The following RTN3 variants were observed in gnomAD, a reference collection of about 807,000 sequenced individuals.
RTN3 encodes the protein reticulon-3.
A neutral mutation model predicts 77.8 loss-of-function variants in RTN3; 49 were observed. The ratio of observed to expected loss-of-function variants is 0.63; its 90% CI spans 0.50 to 0.80. The LOEUF is 0.80. Among genes scored for constraint, RTN3 ranks in the 30% least tolerant of loss-of-function variants. The pLI, the probability that RTN3 is intolerant of heterozygous loss-of-function variation, is 0.00. For missense variants in RTN3, 1,236 were observed against 1,211.9 expected (o/e 1.02, Z -0.29); for synonymous variants, 464 against 446.9 (o/e 1.04, Z -0.48).
At chr11:63,753,553 G>A in intron 6 of RTN3, 109 bp from the exon 7 acceptor site, 3 of 947,924 alleles carry the variant, frequency 3.2e-6, no homozygotes, top group Non-Finnish European at 4.9e-6. Context: ...TTTGAGGAAT[G>A]CCTGTGTTTT....
rs117829021 is a variant in RTN3, at chr11:63,754,968, T to A, written c.2995-1144T>A. 1.3e-3 allele frequency among the ~76,000 whole-genome samples: 194 copies of A among 146,294 alleles called. 3 individuals are homozygous for A. In the East Asian group the frequency reaches 0.035, roughly 27 times the overall value. ...AATGCTTAGATGAATAAAAGCCGGG[T>A]GTCTAAAAGGAAACTTTAAACTCTA... is the stretch of plus-strand genomic sequence containing the variant. On this transcript the variant is annotated intron_variant, in intron 7 of 8. Coordinates refer to ENST00000377819, the MANE Select transcript of RTN3 (RefSeq NM_001265589.2).
chr11:63,684,129 GTTTTTTTTTTTTTTT>G (rs61663789), intron 1 of RTN3, among the ~76,000 whole-genome samples: 2 of 85,262 alleles, frequency 2.3e-5, no homozygotes, highest in Non-Finnish European at 4.1e-5. Context: ...TTTTCTTTTG[GTTTTTTTTTTTTTTT>G]TTTTTTTTTT....
At chr11:63,733,743 G>T (rs574628943) in intron 3 of RTN3, among the ~76,000 whole-genome samples, 1 of 151,056 alleles carries the variant, frequency 6.6e-6, no homozygotes, top group African/African-American at 2.4e-5. Context: ...TTAGCTGGGC[G>T]TGGTGGCGGT....
intron 3 of RTN3, among the ~76,000 whole-genome samples, chr11:63,732,384 G>A (rs930542969): frequency 3.3e-5 from 5 of 151,522 alleles, no homozygotes; most frequent in African/African-American, 9.7e-5. Context: ...CATGTTGCTC[G>A]GGCTGGTCTC....
At chr11:63,757,510 G>T (rs1199381245) in intron 8 of RTN3, among the ~76,000 whole-genome samples, 1 of 151,610 alleles carries the variant, frequency 6.6e-6, no homozygotes, top group African/African-American at 2.4e-5. Context: ...ACAGGCATGT[G>T]CCATGCCCTG....
chr11:63,684,498 G>C (rs1941261773), intron 1 of RTN3, among the ~76,000 whole-genome samples: 4 of 151,746 alleles, frequency 2.6e-5, no homozygotes, highest in Admixed American at 2.6e-4. Context: ...TTGCCATGTT[G>C]GCCAGGCTGG....
intron 3 of RTN3, among the ~76,000 whole-genome samples, chr11:63,744,427 A>G (rs1486232418): frequency 2.0e-5 from 3 of 152,152 alleles, no homozygotes; most frequent in African/African-American, 7.2e-5. Flanking sequence ...CCTAGAAGGT[A>G]TACTACTACA....
At chr11:63,746,477 C>T (rs1240503719) in intron 3 of RTN3, among the ~76,000 whole-genome samples, 2 of 152,096 alleles carry the variant, frequency 1.3e-5, no homozygotes, top group Non-Finnish European at 2.9e-5. Flanking sequence ...TTTTACGTAA[C>T]CAACGAAAGT....
At chr11:63,703,788 T>C (rs1167713557) in intron 1 of RTN3, among the ~76,000 whole-genome samples, 1 of 151,938 alleles carries the variant, frequency 6.6e-6, no homozygotes, top group Non-Finnish European at 1.5e-5. Context: ...GTGATCCGCC[T>C]GCCTCAGCCT....
chr11:63,714,999 G>T (rs191129709), intron 2 of RTN3, among the ~76,000 whole-genome samples: 50 of 152,326 alleles, frequency 3.3e-4, no homozygotes, highest in East Asian at 1.7e-3. Context: ...AAACTGACCA[G>T]TTTGTGTCCT....
At chr11:63,748,995 A>T (rs2013958947) in intron 3 of RTN3, among the ~76,000 whole-genome samples, 1 of 152,062 alleles carries the variant, frequency 6.6e-6, no homozygotes, top group African/African-American at 2.4e-5. Flanking sequence ...AGAGTACTGC[A>T]GCTTGGCCAG....
intron 1 of RTN3, among the ~76,000 whole-genome samples, chr11:63,703,177 G>A (rs907885153): frequency 2.0e-5 from 3 of 152,164 alleles, no homozygotes; most frequent in Middle Eastern, 3.4e-3. Context: ...TAGCATTTAC[G>A]TTGTATTAGG....
chr11:63,698,326 A>G (rs762640695), intron 1 of RTN3, among the ~76,000 whole-genome samples: 1 of 151,916 alleles, frequency 6.6e-6, no homozygotes, highest in African/African-American at 2.4e-5. Context: ...GGATTTCACC[A>G]TGTTGCCCAG....
chr11:63,728,548 C>T (rs901014950), intron 3 of RTN3, among the ~76,000 whole-genome samples: 4 of 152,028 alleles, frequency 2.6e-5, no homozygotes, highest in Non-Finnish European at 4.4e-5. Context: ...TACAGTGTAT[C>T]GTAGTCAAGT....
intron 1 of RTN3, among the ~76,000 whole-genome samples, chr11:63,689,000 G>C (rs959317506): frequency 6.6e-6 from 1 of 152,062 alleles, no homozygotes. Flanking sequence ...AATTACAAAG[G>C]CTTCATTAAG....
At chr11:63,688,185 G>A (rs1941468840) in intron 1 of RTN3, among the ~76,000 whole-genome samples, 1 of 151,376 alleles carries the variant, frequency 6.6e-6, no homozygotes, top group Non-Finnish European at 1.5e-5. Context: ...TGCTGACTTG[G>A]ATTGTTTTTA....
At chr11:63,701,819 C>T (rs1462132393) in intron 1 of RTN3, among the ~76,000 whole-genome samples, 1 of 152,066 alleles carries the variant, frequency 6.6e-6, no homozygotes, top group Non-Finnish European at 1.5e-5. Flanking sequence ...GTGGTGCACA[C>T]CTGTAGTCAG....
In RTN3 at chr11:63,720,083, T is replaced by G; in HGVS notation, c.1581T>G (p.Ile527Met). 1.2e-6 allele frequency: 2 copies of G among 1,613,838 alleles called. No homozygotes were observed. Among genetic ancestry groups the G allele is most frequent in the Non-Finnish European group, 1.7e-6 (2 of 1,179,960 alleles). Residue 527 changes from isoleucine to methionine, a missense_variant, in exon 3 of 9, where the codon ATT (isoleucine) becomes ATG (methionine). Physicochemically the swap from Ile to Met is conservative, Grantham distance 10 (BLOSUM62 1). This residue lies in a region of RTN3 where 1,056 missense variants were observed against 990.4 expected (regional missense o/e 1.07). Coordinates refer to ENST00000377819, the MANE Select transcript of RTN3 (RefSeq NM_001265589.2). ...TTCAGGCTGAAAAACCTGTTTCCAT[T>G]CCAAGTGCTGTTGTAAAAACAGGTG... ...NKIQAEKPVS[I>M]PSAVVKTGER...
intron 1 of RTN3, among the ~76,000 whole-genome samples, chr11:63,691,114 C>CTTTT (rs796809025): frequency 1.7e-3 from 157 of 91,894 alleles, no homozygotes; most frequent in Non-Finnish European, 1.9e-3. Context: ...ATTGCTAATT[C>CTTTT]TTTTTTTTTT....
Sources: gnomAD v4.1 joint callset for allele counts (sites outside exome capture counted in the v4.1 genomes callset) on GRCh38, gnomAD v4.1.1 for gene constraint, gnomAD v4.1.1 regional missense constraint, MANE v1.5 for transcripts, NCBI Gene and HGNC (gene_info 2026-07-23, HGNC 2026-07-21) for gene names.